Variants in PLS1 observed in about 807,000 individuals in gnomAD.
PLS1 encodes plastin 1, also known as plastin-1.
A neutral mutation model predicts 73.7 loss-of-function variants in PLS1; 32 were observed. The observed-to-expected ratio is 0.43, with a 90% CI of 0.33 to 0.58. PLS1 has a LOEUF of 0.58. Ranked by LOEUF, PLS1 falls within the 20% of genes least tolerant of loss-of-function variation. PLS1 has a pLI of 0.04. For synonymous variants in PLS1, 217 were observed against 261.3 expected (o/e 0.83, Z 1.63); for missense variants, 633 against 740.5 (o/e 0.85, Z 1.68).
intron 11 of PLS1, among the ~76,000 whole-genome samples, chr3:142,696,180 TA>T (rs1410753984): frequency 6.6e-6 from 1 of 152,222 alleles, no homozygotes; most frequent in African/African-American, 2.4e-5. Flanking sequence ...AGAGTAAGCT[TA>T]AAAATAGCAG....
chr3:142,689,645 C>T lies in PLS1; in HGVS notation c.1009C>T (p.Leu337Phe), dbSNP rs1391756665. The T allele has an allele frequency of 1.2e-6, 2 of 1,607,882 alleles. No homozygotes were observed. The highest frequency in any genetic ancestry group is 2.2e-5 in the East Asian group (1 of 44,562). Residue 337 changes from leucine to phenylalanine, a missense_variant, in exon 10 of 16, where the codon CTC becomes TTC. Transcript: ENST00000457734. ...NETNDLKRAGLMLQEADKLGC... is the reference protein window; with the variant it reads ...NETNDLKRAGFMLQEADKLGC... ...GACAAATGACCTGAAGCGTGCTGGA[C>T]TCATGCTTCAAGAAGCAGATAAACT...
chr3:142,650,927 G>A (rs527658762), intron 1 of PLS1, among the ~76,000 whole-genome samples: 11 of 152,208 alleles, frequency 7.2e-5, no homozygotes, highest in South Asian at 4.2e-4. Flanking sequence ...AGGCCCAGTT[G>A]CCTGAGCTGG....
At chr3:142,640,323 A>G (rs559912814) in intron 1 of PLS1, among the ~76,000 whole-genome samples, 3 of 152,206 alleles carry the variant, frequency 2.0e-5, no homozygotes, top group Non-Finnish European at 4.4e-5. Flanking sequence ...ACAAATTTTT[A>G]TCAAGCAACA....
chr3:142,704,388 C>A, intron 13 of PLS1, 75 bp from the exon 14 acceptor site: 1 of 1,135,164 alleles, frequency 8.8e-7, no homozygotes, highest in Admixed American at 2.4e-5. Flanking sequence ...AAGTATTTAT[C>A]TAAACATTGA....
chr3:142,632,707 T>C (rs2108590477), intron 1 of PLS1, among the ~76,000 whole-genome samples: 1 of 152,102 alleles, frequency 6.6e-6, no homozygotes, highest in Non-Finnish European at 1.5e-5. Flanking sequence ...CCAGCGATTC[T>C]CCTGTCTTGG....
intron 6 of PLS1, among the ~76,000 whole-genome samples, chr3:142,683,224 G>A (rs1264313396): frequency 6.6e-6 from 1 of 152,186 alleles, no homozygotes; most frequent in East Asian, 1.9e-4. Flanking sequence ...TGGGCTCTGG[G>A]CCAGGTGCGG....
intron 9 of PLS1, among the ~76,000 whole-genome samples, chr3:142,688,663 A>ATT (rs2038022978): frequency 6.6e-6 from 1 of 151,932 alleles, no homozygotes; most frequent in Admixed American, 6.6e-5. Flanking sequence ...TAAATTCTTC[A>ATT]TTTTACTTTT....
At chr3:142,651,423 T>C (rs1018790228) in intron 1 of PLS1, among the ~76,000 whole-genome samples, 19 of 144,644 alleles carry the variant, frequency 1.3e-4, no homozygotes, top group African/African-American at 5.0e-4. Context: ...AATTGTGCCA[T>C]TGCACTCCGG....
chr3:142,601,078 C>T (rs1448150118), intron 1 of PLS1, among the ~76,000 whole-genome samples: 2 of 147,206 alleles, frequency 1.4e-5, no homozygotes, highest in Non-Finnish European at 3.0e-5. Flanking sequence ...CACCCGCCAC[C>T]ACGCCCGGCT....
At chr3:142,664,031 G>T in intron 1 of PLS1, 171 bp from the exon 2 acceptor site, 2 of 327,222 alleles carry the variant, frequency 6.1e-6, no homozygotes, top group Non-Finnish European at 1.1e-5. Context: ...GTTATAGTTT[G>T]GCTGGCCTAT....
intron 10 of PLS1, among the ~76,000 whole-genome samples, chr3:142,691,616 T>A (rs1442889591): frequency 6.6e-6 from 1 of 152,170 alleles, no homozygotes; most frequent in Non-Finnish European, 1.5e-5. Flanking sequence ...CCATTATTAT[T>A]TACTGTCTAT....
chr3:142,616,195 A>C (rs2108554188), intron 1 of PLS1, among the ~76,000 whole-genome samples: 1 of 152,334 alleles, frequency 6.6e-6, no homozygotes, highest in East Asian at 1.9e-4. Flanking sequence ...GTTTCCCTCA[A>C]CAGATAATCC....
intron 1 of PLS1, among the ~76,000 whole-genome samples, chr3:142,646,282 G>A (rs1231562281): frequency 1.3e-5 from 2 of 152,170 alleles, no homozygotes; most frequent in Non-Finnish European, 2.9e-5. Context: ...CACTGTGTAT[G>A]AGGCATGAGT....
chr3:142,664,403 A>G, intron 2 of PLS1, 96 bp downstream of exon 2: 1 of 587,894 alleles, frequency 1.7e-6, no homozygotes. Flanking sequence ...ACCACCACCC[A>G]ATTACCTCCA....
chr3:142,706,651 G>C (rs1236790356), intron 14 of PLS1, among the ~76,000 whole-genome samples: 2 of 152,072 alleles, frequency 1.3e-5, no homozygotes, highest in Non-Finnish European at 2.9e-5. Flanking sequence ...TAACTGCAAG[G>C]ACAATGCAAA....
intron 1 of PLS1, among the ~76,000 whole-genome samples, chr3:142,647,549 C>G (rs1479548765): frequency 6.7e-6 from 1 of 148,426 alleles, no homozygotes; most frequent in Non-Finnish European, 1.5e-5. Context: ...GTTGCCCTGG[C>G]TGGAGTGCAA....
chr3:142,674,626 A>T (rs1301875948), intron 4 of PLS1, among the ~76,000 whole-genome samples: 1 of 152,168 alleles, frequency 6.6e-6, no homozygotes, highest in Non-Finnish European at 1.5e-5. Context: ...AAAATTTTCT[A>T]CTTAAGATCA....
At chr3:142,629,464 G>A (rs994943778) in intron 1 of PLS1, among the ~76,000 whole-genome samples, 2 of 152,190 alleles carry the variant, frequency 1.3e-5, no homozygotes, top group Admixed American at 6.5e-5. Flanking sequence ...GCCTCCCAAA[G>A]TGCTGGGTTT....
intron 1 of PLS1, among the ~76,000 whole-genome samples, chr3:142,630,607 CG>C (rs2036537244): frequency 6.6e-6 from 1 of 151,122 alleles, no homozygotes; most frequent in Non-Finnish European, 1.5e-5. Context: ...AAAAATTAGC[CG>C]GTCATGGTGG....
Sources: allele counts gnomAD v4.1 joint callset (sites outside exome capture counted in the v4.1 genomes callset), GRCh38; gene constraint gnomAD v4.1.1; transcripts MANE v1.5; gene names NCBI Gene and HGNC (gene_info 2026-07-23, HGNC 2026-07-21).